MAP2K3: variants seen among roughly 807,000 people sequenced by gnomAD.
MAP2K3 encodes the protein mitogen-activated protein kinase kinase 3.
MAP2K3 carries 30 observed loss-of-function variants against 46.4 expected under a neutral mutation model. The observed-to-expected ratio is 0.65, with a 90% CI of 0.48 to 0.88. The LOEUF is 0.88. Among genes scored for constraint, MAP2K3 ranks in the 40% least tolerant of loss-of-function variants. The pLI, the probability that MAP2K3 is intolerant of heterozygous loss-of-function variation, is 0.00. For synonymous variants in MAP2K3, 189 were observed against 176.3 expected (o/e 1.07, Z -0.57); for missense variants, 380 against 464.5 (o/e 0.82, Z 1.67).
At chr17:21,292,074 G>T (rs1170016375) in intron 1 of MAP2K3, among the ~76,000 whole-genome samples, 1 of 152,430 alleles carries the variant, frequency 6.6e-6, no homozygotes, top group Non-Finnish European at 1.5e-5. Context: ...TGCTGCCCTG[G>T]TGCGTCACCT....
At chr17:21,301,737 A>G (rs1976612631) in intron 5 of MAP2K3, among the ~76,000 whole-genome samples, 1 of 152,306 alleles carries the variant, frequency 6.6e-6, no homozygotes, top group African/African-American at 2.4e-5. Flanking sequence ...GGGAAGAGGG[A>G]GCAGGTCCTT....
chr17:21,294,397 G>A (rs1976122446), intron 1 of MAP2K3, among the ~76,000 whole-genome samples: 2 of 152,312 alleles, frequency 1.3e-5, no homozygotes, highest in African/African-American at 4.8e-5. Context: ...CTGACTTTAT[G>A]AGTGGAGGCG....
intron 1 of MAP2K3, among the ~76,000 whole-genome samples, chr17:21,288,572 C>T (rs974205963): frequency 1.3e-5 from 2 of 152,212 alleles, no homozygotes; most frequent in Admixed American, 1.3e-4. Context: ...AGCTCTGTCC[C>T]TTTTGCGATG....
At chr17:21,305,968 TC>T (rs2043280469) in intron 9 of MAP2K3, among the ~76,000 whole-genome samples, 1 of 152,308 alleles carries the variant, frequency 6.6e-6, no homozygotes, top group Non-Finnish European at 1.5e-5. Context: ...TTGTCCCTAG[TC>T]CCTTTGACTG....
At chr17:21,297,845 A>G (rs578096285) in intron 1 of MAP2K3, among the ~76,000 whole-genome samples, 14 of 152,420 alleles carry the variant, frequency 9.2e-5, no homozygotes, top group Admixed American at 2.6e-4. Flanking sequence ...AGAAACGGGC[A>G]TCGGGTGTCG....
intron 11 of MAP2K3, 49 bp downstream of exon 11, chr17:21,313,586 GC>G: frequency 2.1e-6 from 3 of 1,431,356 alleles, no homozygotes; most frequent in Non-Finnish European, 2.9e-6. Flanking sequence ...GCTGGCTGGG[GC>G]TGGGTGGGGC....
intron 2 of MAP2K3, 81 bp downstream of exon 2, chr17:21,298,560 T>G (rs907737542): frequency 6.2e-7 from 1 of 1,610,360 alleles, no homozygotes. Context: ...GAGAGGCAGG[T>G]GGGGCCAGCC....
At chr17:21,309,860 T>C (rs1184158683) in intron 9 of MAP2K3, among the ~76,000 whole-genome samples, 1 of 152,170 alleles carries the variant, frequency 6.6e-6, no homozygotes, top group Non-Finnish European at 1.5e-5. Flanking sequence ...CACCTTGGCC[T>C]TCCAAAGTGC....
Position 21,303,168 on chromosome 17 carries a change from C to G in MAP2K3, c.517-15C>G. On this transcript the variant is annotated splice_polypyrimidine_tract_variant and intron_variant, in intron 6 of 11. Coordinates refer to ENST00000342679, the MANE Select transcript of MAP2K3 (RefSeq NM_145109.3). ...CAGAGTCCTGTCTCTTCCCTCCTCC[C>G]CACCCCACCGCCAGATCGTGCGGGC... 4.3e-6 allele frequency: 7 copies of G among 1,614,112 alleles called. No individual in the cohort carries two copies. The highest frequency in any genetic ancestry group is 5.9e-6 in the Non-Finnish European group (7 of 1,179,942).
chr17:21,300,853 A>T, intron 4 of MAP2K3, 21 bp from the exon 5 acceptor site: 2 of 1,613,982 alleles, frequency 1.2e-6, no homozygotes, highest in Non-Finnish European at 1.7e-6. Flanking sequence ...GCAACCTCTG[A>T]ATGGCAGTCC....
At chr17:21,287,868 G>A (rs1975763507) in intron 1 of MAP2K3, 1 of 394,938 alleles carries the variant, frequency 2.5e-6, no homozygotes, top group African/African-American at 2.1e-5. Context: ...GTGACACTGA[G>A]GTTTCATAGA....
At chr17:21,285,079 C>T (rs41309276) in intron 1 of MAP2K3, 110 bp downstream of exon 1, 49,664 of 1,434,870 alleles carry the variant, frequency 0.035, 1,098 homozygotes, top group South Asian at 0.062. Flanking sequence ...GACCTGGCAG[C>T]GGCGTCCGGT....
intron 9 of MAP2K3, 81 bp downstream of exon 9, chr17:21,305,209 GA>G (rs1976834822): frequency 6.5e-7 from 1 of 1,539,768 alleles, no homozygotes; most frequent in Non-Finnish European, 9.0e-7. Flanking sequence ...GCTTTTGGGG[GA>G]CTCATCAAAT....
chr17:21,303,433 T>C (rs1468141658), intron 7 of MAP2K3, among the ~76,000 whole-genome samples, 199 bp downstream of exon 7: 1 of 152,310 alleles, frequency 6.6e-6, no homozygotes, highest in African/African-American at 2.4e-5. Flanking sequence ...AAGCAAGGAC[T>C]GGCTTGACTT....
intron 3 of MAP2K3, 164 bp from the exon 4 acceptor site, chr17:21,300,381 A>T: frequency 1.4e-6 from 1 of 701,546 alleles, no homozygotes; most frequent in Non-Finnish European, 2.5e-6. Flanking sequence ...CAGAGAGGTT[A>T]AGTGACTTGC....
Position 21,312,083 on chromosome 17 carries a change from G to C in MAP2K3, c.775-59G>C, listed in dbSNP as rs28563020. 1.6e-4 allele frequency: 235 copies of C among 1,445,102 alleles called. No individual in the cohort carries two copies. The African/African-American group carries it at 3.0e-3, about 19-fold the overall frequency. 89.5% of individuals were successfully genotyped at this position (1,445,102 alleles called of 1,614,324 possible). Reference sequence around the variant, plus strand: ...GTGGGAGCCCCCAACCCTCGCTCCTGGGTGCAGAGCGTGGTTGTATCTGGG... The same window carrying C: ...GTGGGAGCCCCCAACCCTCGCTCCTCGGTGCAGAGCGTGGTTGTATCTGGG... On this transcript the variant is annotated intron_variant, in intron 9 of 11. Transcript: ENST00000342679.
intron 1 of MAP2K3, among the ~76,000 whole-genome samples, chr17:21,293,917 G>C (rs1329730847): frequency 1.3e-5 from 2 of 152,308 alleles, no homozygotes; most frequent in African/African-American, 4.8e-5. Flanking sequence ...TCAGGGCAAG[G>C]GGCCCTGCCT....
Position 21,284,760 on chromosome 17 carries a change from C to T in MAP2K3, c.-161C>T. 2.9e-6 allele frequency: 2 copies of T among 694,014 alleles called. No individual in the cohort carries two copies. The highest frequency in any genetic ancestry group is 3.5e-5 in the East Asian group (1 of 28,830). The allele number at this position is 694,014 out of a possible 1,614,324, so 43.0% of individuals were successfully genotyped here. On this transcript the variant is annotated 5_prime_UTR_variant, in exon 1 of 12. Coordinates refer to ENST00000342679, the MANE Select transcript of MAP2K3 (RefSeq NM_145109.3). ...GCGGACTCGTCCTTGCTGCAGTCGC[C>T]GCCGCAGTCCTCGCCGCAGTCGCCG...
At chr17:21,291,608 C>T (rs1370426532) in intron 1 of MAP2K3, 1 of 456,406 alleles carries the variant, frequency 2.2e-6, no homozygotes, top group Non-Finnish European at 4.4e-6. Flanking sequence ...TCCCCCTGCC[C>T]TGTCATGGCC....
Sources: gnomAD v4.1 joint callset for allele counts (sites outside exome capture counted in the v4.1 genomes callset) on GRCh38, gnomAD v4.1.1 for gene constraint, MANE v1.5 for transcripts, NCBI Gene and HGNC (gene_info 2026-07-23, HGNC 2026-07-21) for gene names.